The following GSG1L variants were observed in gnomAD, a reference collection of about 807,000 sequenced individuals.
GSG1L encodes germ cell-specific gene 1-like protein.
Under a neutral mutation model 42.1 loss-of-function variants are expected in GSG1L, and 24 were observed. That is an observed-to-expected ratio of 0.57 (90% confidence interval 0.41 to 0.80). The LOEUF (loss-of-function observed/expected upper bound fraction) is 0.80, where lower values mean the gene tolerates loss of function less well. Among genes scored for constraint, GSG1L ranks in the 30% least tolerant of loss-of-function variants. The probability of loss-of-function intolerance (pLI) is 0.00; values close to 1 mark genes in which losing one functional copy is unlikely to be tolerated. For synonymous variants in GSG1L, 215 were observed against 203.5 expected, an observed-to-expected ratio of 1.06 and a Z score of -0.48; for missense variants, 445 against 472.2, an observed-to-expected ratio of 0.94 and a Z score of 0.53.
intron 3 of GSG1L, among the ~76,000 whole-genome samples, chr16:27,865,658 T>C (rs1233797815): frequency 1.3e-5 from 2 of 148,582 alleles, no homozygotes; most frequent in Admixed American, 1.4e-4. Flanking sequence ...TATGTATATA[T>C]ATATATATCT....
intron 1 of GSG1L, among the ~76,000 whole-genome samples, chr16:28,038,573 C>T (rs1385707178): frequency 6.6e-6 from 1 of 152,058 alleles, no homozygotes; most frequent in Non-Finnish European, 1.5e-5. Context: ...ATTGGTACTA[C>T]GGGCGGTGGG....
Position 27,946,813 on chromosome 16 carries a change from A to G in GSG1L, c.397+16343T>C, listed in dbSNP as rs530449302. Among the ~76,000 whole-genome samples, 12 of 152,290 alleles carry G rather than the reference A, an allele frequency of 7.9e-5. 1 individual carries two copies. The highest frequency in any genetic ancestry group is 7.9e-4 in the Admixed American group (12 of 15,280). On this transcript the variant is annotated intron_variant, in intron 2 of 6. Coordinates refer to ENST00000447459, the MANE Select transcript of GSG1L (RefSeq NM_001109763.2). ...AATAAACGCAAACTGAGTTATTCCAAGTTAGCCTTCCAGCTGGCTGGGCCA... is the reference window on the plus strand; with the variant it reads ...AATAAACGCAAACTGAGTTATTCCAGGTTAGCCTTCCAGCTGGCTGGGCCA...
intron 3 of GSG1L, among the ~76,000 whole-genome samples, chr16:27,847,605 G>T (rs563913511): frequency 1.5e-4 from 23 of 152,358 alleles, no homozygotes; most frequent in African/African-American, 5.5e-4. Flanking sequence ...ATATGGTGTG[G>T]ATCTGTGTCC....
At chr16:28,003,033 A>G (rs935158636) in intron 1 of GSG1L, among the ~76,000 whole-genome samples, 3 of 152,230 alleles carry the variant, frequency 2.0e-5, no homozygotes, top group African/African-American at 7.2e-5. Flanking sequence ...TGGGGCAGGA[A>G]TGAACTTGGA....
chr16:27,948,907 T>TTTATTA (rs2084918964), intron 2 of GSG1L, among the ~76,000 whole-genome samples: 1 of 66,800 alleles, frequency 1.5e-5, no homozygotes, highest in Non-Finnish European at 3.1e-5. Flanking sequence ...CCGCACCTGA[T>TTTATTA]CTATTATTAT....
At chr16:27,999,346 G>A (rs1179318276) in intron 1 of GSG1L, among the ~76,000 whole-genome samples, 1 of 152,140 alleles carries the variant, frequency 6.6e-6, no homozygotes, top group Non-Finnish European at 1.5e-5. Flanking sequence ...AGGAGGCTGA[G>A]GCACCAGAAT....
chr16:28,032,534 T>C (rs1359685656), intron 1 of GSG1L, among the ~76,000 whole-genome samples: 1 of 152,218 alleles, frequency 6.6e-6, no homozygotes, highest in East Asian at 1.9e-4. Context: ...ACTTCTGGGC[T>C]CTGAGATGTA....
chr16:27,790,275 T>A lies in GSG1L; in HGVS notation c.*1095A>T, dbSNP rs193277996. ...GAGTGATGGATGATGGATGGAAGGA[T>A]GGAAGGATAAAGGAGAAGAATATAT... is the stretch of plus-strand genomic sequence containing the variant. On this transcript the variant is annotated 3_prime_UTR_variant, in exon 7 of 7. Transcript: ENST00000447459. 1 of 152,072 alleles carries A rather than the reference T, an allele frequency of 6.6e-6. No individual in the cohort carries two copies. The highest frequency in any genetic ancestry group is 1.5e-5 in the Non-Finnish European group (1 of 68,008). The allele number at this position is 152,072 out of a possible 1,614,324, so 9.4% of individuals were successfully genotyped here. A position where few individuals can be genotyped will look rare whatever the true frequency, so the allele number is the denominator to read the frequency against.
intron 4 of GSG1L, among the ~76,000 whole-genome samples, chr16:27,831,436 G>A (rs2083273366): frequency 1.3e-5 from 2 of 151,516 alleles, no homozygotes; most frequent in African/African-American, 2.4e-5. Context: ...CTCCTTTTTT[G>A]CATGAGTTAG....
intron 6 of GSG1L, among the ~76,000 whole-genome samples, chr16:27,802,422 T>A (rs1197881670): frequency 1.3e-5 from 2 of 151,996 alleles, no homozygotes; most frequent in Non-Finnish European, 2.9e-5. Flanking sequence ...GACGTGGGAG[T>A]TCCCAGCAAC....
chr16:27,994,750 A>G (rs1342042153), intron 1 of GSG1L, among the ~76,000 whole-genome samples: 1 of 152,216 alleles, frequency 6.6e-6, no homozygotes, highest in Non-Finnish European at 1.5e-5. Context: ...TGATATGAAA[A>G]TAGCCAAAGT....
chr16:27,816,068 T>TG (rs1329159312), intron 5 of GSG1L, among the ~76,000 whole-genome samples: 1 of 152,212 alleles, frequency 6.6e-6, no homozygotes, highest in Non-Finnish European at 1.5e-5. Context: ...TTGTTACTGT[T>TG]GTCACCATTG....
At chr16:27,851,887 G>C (rs1223419709) in intron 3 of GSG1L, among the ~76,000 whole-genome samples, 1 of 152,168 alleles carries the variant, frequency 6.6e-6, no homozygotes, top group Non-Finnish European at 1.5e-5. Context: ...CGCCTCCCTC[G>C]AGGTGGGGGT....
At chr16:27,854,348 A>AAGGAGGAGGAGGGGGAAGAAT (rs2083548968) in intron 3 of GSG1L, among the ~76,000 whole-genome samples, 1 of 99,098 alleles carries the variant, frequency 1.0e-5, no homozygotes, top group Non-Finnish European at 2.0e-5. Flanking sequence ...AGGGGGACGG[A>AAGGAGGAGGAGGGGGAAGAAT]AGGAGGAGGA....
chr16:27,895,892 A>G (rs181189065), intron 2 of GSG1L, among the ~76,000 whole-genome samples: 63 of 152,314 alleles, frequency 4.1e-4, no homozygotes, highest in African/African-American at 1.5e-3. Flanking sequence ...TCCGATGCCA[A>G]TCGGCATGCT....
chr16:28,013,022 C>T (rs1475418119), intron 1 of GSG1L, among the ~76,000 whole-genome samples: 3 of 151,744 alleles, frequency 2.0e-5, no homozygotes, highest in South Asian at 2.1e-4. Context: ...GTCAGGAGTT[C>T]GAGACCAGCC....
chr16:27,833,146 A>G (rs148103132), intron 4 of GSG1L, among the ~76,000 whole-genome samples: 29 of 152,336 alleles, frequency 1.9e-4, no homozygotes, highest in African/African-American at 6.7e-4. Flanking sequence ...TGTGCAGTTT[A>G]AAGTAAGGCT....
intron 1 of GSG1L, among the ~76,000 whole-genome samples, chr16:28,038,877 C>T (rs1320860637): frequency 1.3e-5 from 2 of 152,212 alleles, no homozygotes; most frequent in East Asian, 3.8e-4. Context: ...CCTTCAAAAA[C>T]TCAAATTGAG....
chr16:27,967,158 G>A (rs9941112), intron 1 of GSG1L, among the ~76,000 whole-genome samples: 61,015 of 152,070 alleles, frequency 0.4, 12,633 homozygotes, highest in South Asian at 0.64. Context: ...AGAAGCTTTC[G>A]GCATTCTCAA....
Sources: gnomAD v4.1 joint callset for allele counts (sites outside exome capture counted in the v4.1 genomes callset) on GRCh38, gnomAD v4.1.1 for gene constraint, MANE v1.5 for transcripts, NCBI Gene and HGNC (gene_info 2026-07-23, HGNC 2026-07-21) for gene names.